Variants in SLC25A30 observed in about 807,000 individuals in gnomAD.
The protein encoded by SLC25A30 is kidney mitochondrial carrier protein 1.
SLC25A30 carries 29 observed loss-of-function variants against 42.7 expected under a neutral mutation model. The observed-to-expected ratio is 0.68, with a 90% CI of 0.51 to 0.93. The LOEUF is 0.93. Ranked by LOEUF, SLC25A30 falls within the 40% of genes least tolerant of loss-of-function variation. The probability of loss-of-function intolerance (pLI) is 0.00; values close to 1 mark genes in which losing one functional copy is unlikely to be tolerated. For synonymous variants in SLC25A30, 124 were observed against 131.0 expected (o/e 0.95, Z 0.37); for missense variants, 300 against 359.7 (o/e 0.83, Z 1.34).
In SLC25A30 at chr13:45,393,691, TTAG is replaced by T; in HGVS notation, c.*2280_*2282del. ...CCCAATTCCTTAAGTTGTTTCTTGG[TTAG>T]AAGCTTCAACAATTGCATTAACTCT... On this transcript the variant is annotated 3_prime_UTR_variant, in exon 10 of 10. Coordinates refer to ENST00000519676, the MANE Select transcript of SLC25A30 (RefSeq NM_001010875.4). 1 of 985,412 alleles carries T rather than the reference TTAG, an allele frequency of 1.0e-6. No homozygotes were observed. The highest frequency in any genetic ancestry group is 1.1e-4 in the East Asian group (1 of 8,814). The allele number at this position is 985,412 out of a possible 1,614,324, so 61.0% of individuals were successfully genotyped here.
the SLC25A30 span, among the ~76,000 whole-genome samples, chr13:45,424,154 T>TATATAA: frequency 1.1e-5 from 1 of 89,714 alleles, no homozygotes; most frequent in Non-Finnish European, 1.9e-5. Flanking sequence ...TATAAGTATA[T>TATATAA]ATATAGAAAT....
intron 1 of SLC25A30, among the ~76,000 whole-genome samples, chr13:45,412,659 T>C (rs917144381): frequency 6.6e-6 from 1 of 152,228 alleles, no homozygotes; most frequent in Admixed American, 6.5e-5. Flanking sequence ...TGTCAAGCTG[T>C]AGGCCTATTG....
At chr13:45,407,871 G>A (rs1316830366) in intron 3 of SLC25A30, among the ~76,000 whole-genome samples, 2 of 152,160 alleles carry the variant, frequency 1.3e-5, no homozygotes, top group South Asian at 2.1e-4. Flanking sequence ...AGGTCACGTA[G>A]TGCTATCAGT....
the SLC25A30 span, among the ~76,000 whole-genome samples, chr13:45,433,263 G>GTCAT: frequency 6.6e-6 from 1 of 152,034 alleles, no homozygotes; most frequent in Non-Finnish European, 1.5e-5. Flanking sequence ...AAGAATTTGG[G>GTCAT]GAACTGTAAG....
the SLC25A30 span, among the ~76,000 whole-genome samples, chr13:45,428,885 C>T: frequency 1.3e-5 from 2 of 151,692 alleles, no homozygotes; most frequent in African/African-American, 4.8e-5. Context: ...AAACAAATCA[C>T]AGCTAAAGGA....
At chr13:45,430,788 C>T in the SLC25A30 span, among the ~76,000 whole-genome samples, 1 of 152,122 alleles carries the variant, frequency 6.6e-6, no homozygotes, top group African/African-American at 2.4e-5. Context: ...GTCTGGGTAA[C>T]ACAGTGAGAC....
chr13:45,416,592 C>T (rs1201095614), intron 1 of SLC25A30, among the ~76,000 whole-genome samples: 2 of 151,898 alleles, frequency 1.3e-5, no homozygotes, highest in Non-Finnish European at 2.9e-5. Flanking sequence ...CAGAATGAGA[C>T]GACCACCTAT....
intron 4 of SLC25A30, among the ~76,000 whole-genome samples, chr13:45,405,347 C>G (rs1160248831): frequency 6.6e-6 from 1 of 152,178 alleles, no homozygotes; most frequent in Non-Finnish European, 1.5e-5. Flanking sequence ...TAAAGCACAT[C>G]GTATGTATTT....
the SLC25A30 span, among the ~76,000 whole-genome samples, chr13:45,423,547 AATACATAAAAAAAAT>A: frequency 1.0e-4 from 9 of 87,668 alleles, no homozygotes; most frequent in African/African-American, 3.1e-4. Context: ...AATATATATA[AATACATAAAAAAAAT>A]ATATAAATAT....
the SLC25A30 span, among the ~76,000 whole-genome samples, chr13:45,426,235 C>G: frequency 6.6e-6 from 1 of 151,880 alleles, no homozygotes; most frequent in African/African-American, 2.4e-5. Flanking sequence ...TACAGGCGTG[C>G]GCCACCACGC....
At chr13:45,423,741 A>AATATATCAAT in the SLC25A30 span, among the ~76,000 whole-genome samples, 15 of 19,640 alleles carry the variant, frequency 7.6e-4, 1 homozygote, top group South Asian at 3.7e-3. Flanking sequence ...AATATATATA[A>AATATATCAAT]ATATATAAAT....
At chr13:45,421,890 C>A (rs138440098), upstream of SLC25A30, among the ~76,000 whole-genome samples, 1,269 of 152,292 alleles carry the variant, frequency 8.3e-3, 10 homozygotes, top group Non-Finnish European at 0.013. Context: ...CACCCATGCA[C>A]TTGCCCCTCA....
chr13:45,430,435 C>T, the SLC25A30 span, among the ~76,000 whole-genome samples: 18 of 152,108 alleles, frequency 1.2e-4, no homozygotes, highest in African/African-American at 4.3e-4. Flanking sequence ...CTCTGGGCAT[C>T]GGGATTGAGT....
At chr13:45,423,818 A>ATATATTTATATATG in the SLC25A30 span, among the ~76,000 whole-genome samples, 2 of 81,508 alleles carry the variant, frequency 2.5e-5, no homozygotes, top group Admixed American at 2.2e-4. Context: ...ATATAAAAAT[A>ATATATTTATATATG]TAAATATATA....
At chr13:45,425,160 A>C in the SLC25A30 span, among the ~76,000 whole-genome samples, 30 of 90,192 alleles carry the variant, frequency 3.3e-4, 1 homozygote, top group African/African-American at 1.2e-3. Flanking sequence ...ATATTGATAA[A>C]TATATATAAG....
rs1055686588 is a variant in SLC25A30 at position 45,395,094 on chromosome 13, A to G, written c.*880T>C. The G allele has an allele frequency of 1.0e-6, 1 of 985,362 alleles. No individual in the cohort carries two copies. Among genetic ancestry groups the G allele is most frequent in the African/African-American group, 1.7e-5 (1 of 57,244 alleles). 61.0% of individuals were successfully genotyped at this position (985,362 alleles called of 1,614,324 possible). A position where few individuals can be genotyped will look rare whatever the true frequency, so the allele number is the denominator to read the frequency against. ...CTGTTCCACAGCATGATGTAAACAC[A>G]TTTACCTTTCCAGTCAAGTAGCAGC... On this transcript the variant is annotated 3_prime_UTR_variant, in exon 10 of 10. Coordinates refer to ENST00000519676, the MANE Select transcript of SLC25A30 (RefSeq NM_001010875.4).
chr13:45,397,224 C>CT (rs1420912958), intron 9 of SLC25A30, 34 bp downstream of exon 9: 2 of 1,368,126 alleles, frequency 1.5e-6, no homozygotes, highest in Non-Finnish European at 2.1e-6. Context: ...TTAGCTGTAT[C>CT]TTTTTTCAGA....
At chr13:45,428,079 T>G in the SLC25A30 span, among the ~76,000 whole-genome samples, 1 of 151,866 alleles carries the variant, frequency 6.6e-6, no homozygotes, top group Non-Finnish European at 1.5e-5. Flanking sequence ...TATAGAGAAG[T>G]TGTGTCTGAT....
chr13:45,424,524 A>T, the SLC25A30 span, among the ~76,000 whole-genome samples: 590 of 27,074 alleles, frequency 0.022, 7 homozygotes, highest in Middle Eastern at 0.026. Context: ...TAAATATATA[A>T]AAATATATAT....
Sources: allele counts gnomAD v4.1 joint callset (sites outside exome capture counted in the v4.1 genomes callset), GRCh38; gene constraint gnomAD v4.1.1; transcripts MANE v1.5; gene names NCBI Gene and HGNC (gene_info 2026-07-23, HGNC 2026-07-21).